The following PREX1 variants were observed in gnomAD, a reference collection of about 807,000 sequenced individuals.
PREX1 encodes the protein phosphatidylinositol-3,4,5-trisphosphate dependent Rac exchange factor 1.
PREX1 carries 41 observed loss-of-function variants against 198.3 expected under a neutral mutation model. The observed-to-expected ratio is 0.21, with a 90% CI of 0.16 to 0.27. PREX1 has a LOEUF of 0.27. Ranked by LOEUF, PREX1 falls within the 10% of genes least tolerant of loss-of-function variation. The probability of loss-of-function intolerance (pLI) is 1.00; values close to 1 mark genes in which losing one functional copy is unlikely to be tolerated. For missense variants in PREX1, 1,620 were observed against 2,200.7 expected, an observed-to-expected ratio of 0.74 and a Z score of 5.28; for synonymous variants, 843 against 887.2, an observed-to-expected ratio of 0.95 and a Z score of 0.89.
chr20:48,756,301 T>C (rs1321693855), intron 1 of PREX1, among the ~76,000 whole-genome samples: 1 of 152,094 alleles, frequency 6.6e-6, no homozygotes, highest in Non-Finnish European at 1.5e-5. Context: ...CACCTAGCAT[T>C]CCTTCATCAC....
intron 30 of PREX1, among the ~76,000 whole-genome samples, chr20:48,639,212 C>G (rs922943040): frequency 4.6e-5 from 7 of 152,244 alleles, no homozygotes; most frequent in African/African-American, 1.4e-4. Context: ...GCGGCCGCCA[C>G]TCCTCTCCAC....
At chr20:48,696,459 A>T (rs775632898) in intron 7 of PREX1, among the ~76,000 whole-genome samples, 5 of 152,198 alleles carry the variant, frequency 3.3e-5, no homozygotes, top group Non-Finnish European at 5.9e-5. Flanking sequence ...CCAATACCAC[A>T]CTGTCTTAAT....
chr20:48,651,882 C>G (rs1390753746), intron 21 of PREX1, among the ~76,000 whole-genome samples: 2 of 152,212 alleles, frequency 1.3e-5, no homozygotes, highest in Non-Finnish European at 2.9e-5. Context: ...GAAGTCAGAA[C>G]AGGGAGAGCC....
At chr20:48,658,025 T>G in intron 17 of PREX1, 111 bp downstream of exon 17, 1 of 1,039,184 alleles carries the variant, frequency 9.6e-7, no homozygotes, top group Middle Eastern at 2.1e-4. Context: ...AGAAGAGGAG[T>G]CAGCGATCAT....
At chr20:48,873,985 G>T in the PREX1 span, among the ~76,000 whole-genome samples, 1 of 152,038 alleles carries the variant, frequency 6.6e-6, no homozygotes, top group South Asian at 2.1e-4. Flanking sequence ...CTGGGCTCAA[G>T]CAATCCTCCC....
chr20:48,639,203 C>T (rs1245097019), intron 30 of PREX1, among the ~76,000 whole-genome samples: 3 of 152,204 alleles, frequency 2.0e-5, no homozygotes, highest in African/African-American at 7.2e-5. Flanking sequence ...GTACACAGAG[C>T]GGCCGCCACT....
chr20:48,805,396 TG>T (rs935325292), intron 1 of PREX1, among the ~76,000 whole-genome samples: 6 of 152,252 alleles, frequency 3.9e-5, no homozygotes, highest in Admixed American at 3.9e-4. Flanking sequence ...AAGGCCAGGC[TG>T]CAGACACCAC....
intron 27 of PREX1, among the ~76,000 whole-genome samples, chr20:48,643,821 G>A (rs1481114505): frequency 1.3e-5 from 2 of 150,228 alleles, no homozygotes; most frequent in Admixed American, 6.7e-5. Context: ...TTACAGGTGC[G>A]TGCACCACCA....
At chr20:48,655,681 T>C (rs1447845974) in intron 18 of PREX1, among the ~76,000 whole-genome samples, 1 of 152,092 alleles carries the variant, frequency 6.6e-6, no homozygotes. Context: ...CCTAAGACCC[T>C]TGGAGGTGAG....
chr20:48,715,409 C>T (rs1306662118), intron 5 of PREX1, among the ~76,000 whole-genome samples: 2 of 152,188 alleles, frequency 1.3e-5, no homozygotes, highest in Non-Finnish European at 2.9e-5. Context: ...CCCACTAATG[C>T]CTTATTCTAG....
At position 48,637,621 on chromosome 20, in the gene PREX1, C is replaced by G. The variant is rs370149907; in HGVS notation, c.3946+90G>C. 1.1e-5 allele frequency: 14 copies of G among 1,315,182 alleles called. No individual in the cohort carries two copies. In the African/African-American group the frequency reaches 1.9e-4, roughly 18 times the overall value. The allele number at this position is 1,315,182 out of a possible 1,614,324, so 81.5% of individuals were successfully genotyped here. A position where few individuals can be genotyped will look rare whatever the true frequency, so the allele number is the denominator to read the frequency against. On this transcript the variant is annotated intron_variant, in intron 31 of 39. Transcript: ENST00000371941. ...GGCTCCAGGCCAAAGCGTTGCCTCC[C>G]CCCGTCCAGGCCCCGAGGGCATGGA... is the stretch of plus-strand genomic sequence containing the variant.
intron 36 of PREX1, 36 bp from the exon 37 acceptor site, chr20:48,629,657 G>C: frequency 6.2e-7 from 1 of 1,602,444 alleles, no homozygotes; most frequent in Non-Finnish European, 8.5e-7. Context: ...GGGAGTTGGA[G>C]GAGGTCCTCA....
At chr20:48,634,539 G>T in intron 33 of PREX1, 137 bp downstream of exon 33, 1 of 718,986 alleles carries the variant, frequency 1.4e-6, no homozygotes, top group Non-Finnish European at 2.3e-6. Flanking sequence ...GAGGCATGAG[G>T]TTTGACAGCA....
the PREX1 span, among the ~76,000 whole-genome samples, chr20:48,868,614 A>G: frequency 1.3e-5 from 2 of 152,240 alleles, no homozygotes; most frequent in East Asian, 3.9e-4. Context: ...TGATTTTTTT[A>G]ACTTTTCTTT....
At position 48,713,946 on chromosome 20, in the gene PREX1, T is replaced by C. The variant is rs1377564233; in HGVS notation, c.622-5525A>G. Among the ~76,000 whole-genome samples, 3 of 151,980 alleles carry C rather than the reference T, an allele frequency of 2.0e-5. No homozygotes were observed. The East Asian group carries it at 5.8e-4, about 29-fold the overall frequency. On this transcript the variant is annotated intron_variant, in intron 5 of 39. Coordinates refer to ENST00000371941, the MANE Select transcript of PREX1 (RefSeq NM_020820.4). ...GTCCAGAAATAAATCCTTACATTTA[T>C]GGTCAGTTAATTTTCCACAAGGATG...
chr20:48,882,562 G>GT, the PREX1 span, among the ~76,000 whole-genome samples: 2 of 147,584 alleles, frequency 1.4e-5, no homozygotes, highest in East Asian at 4.0e-4. Context: ...GTTTCTATGT[G>GT]TATGTATATT....
the PREX1 span, among the ~76,000 whole-genome samples, chr20:48,849,060 C>T: frequency 1.3e-3 from 201 of 151,396 alleles, 2 homozygotes; most frequent in South Asian, 0.015. Flanking sequence ...TGTGCCACTG[C>T]ACTCCAGCCT....
At chr20:48,848,122 G>T in the PREX1 span, among the ~76,000 whole-genome samples, 2 of 152,142 alleles carry the variant, frequency 1.3e-5, no homozygotes, top group Non-Finnish European at 2.9e-5. Context: ...TTAGGAGTGG[G>T]ATAACTGAGT....
chr20:48,733,456 T>C (rs140408213), intron 4 of PREX1, among the ~76,000 whole-genome samples: 142 of 152,298 alleles, frequency 9.3e-4, no homozygotes, highest in Non-Finnish European at 8.5e-4. Context: ...GCTGTTACTA[T>C]GGGGAAAGGG....
Sources: gnomAD v4.1 joint callset for allele counts (sites outside exome capture counted in the v4.1 genomes callset) on GRCh38, gnomAD v4.1.1 for gene constraint, MANE v1.5 for transcripts, NCBI Gene and HGNC (gene_info 2026-07-23, HGNC 2026-07-21) for gene names.